Variants in PLEKHA7 observed in about 807,000 individuals in gnomAD.
The protein encoded by PLEKHA7 is pleckstrin homology domain-containing family A member 7.
Under a neutral mutation model 170.0 loss-of-function variants are expected in PLEKHA7, and 104 were observed. The observed-to-expected ratio is 0.61, with a 90% confidence interval of 0.52 to 0.72. The LOEUF is 0.72. Ranked by LOEUF, PLEKHA7 falls within the 30% of genes least tolerant of loss-of-function variation. PLEKHA7 has a pLI of 0.00. For synonymous variants in PLEKHA7, 648 were observed against 660.8 expected (o/e 0.98, Z 0.30); for missense variants, 1,615 against 1,671.7 (o/e 0.97, Z 0.59).
chr11:16,785,922 C>A (rs1263629891), intron 24 of PLEKHA7, among the ~76,000 whole-genome samples: 1 of 152,164 alleles, frequency 6.6e-6, no homozygotes, highest in Non-Finnish European at 1.5e-5. Context: ...TGGCTTTGAT[C>A]GCTAAACCTC....
At chr11:16,908,260 A>T in intron 3 of PLEKHA7, among the ~76,000 whole-genome samples, 1 of 146,966 alleles carries the variant, frequency 6.8e-6, no homozygotes, top group African/African-American at 2.5e-5. Context: ...GATCAATAAA[A>T]AAAAAAAAAA....
chr11:16,858,587 G>A (rs949363818), intron 4 of PLEKHA7, among the ~76,000 whole-genome samples: 5 of 151,540 alleles, frequency 3.3e-5, no homozygotes, highest in Admixed American at 3.3e-4. Flanking sequence ...CCGCCTCCCA[G>A]GTTCAAGCCA....
At chr11:16,907,163 G>T (rs1360952714) in intron 3 of PLEKHA7, among the ~76,000 whole-genome samples, 1 of 100,554 alleles carries the variant, frequency 9.9e-6, no homozygotes, top group African/African-American at 4.6e-5. Context: ...AGGGAGGTGG[G>T]GGGGTTAGCC....
chr11:16,986,583 A>C (rs1205438053), intron 3 of PLEKHA7, among the ~76,000 whole-genome samples: 1 of 152,142 alleles, frequency 6.6e-6, no homozygotes, highest in East Asian at 1.9e-4. Flanking sequence ...AACCATAAAA[A>C]TTGCTCACTA....
At chr11:16,883,336 G>C (rs534998589) in intron 3 of PLEKHA7, among the ~76,000 whole-genome samples, 1 of 152,298 alleles carries the variant, frequency 6.6e-6, no homozygotes, top group African/African-American at 2.4e-5. Flanking sequence ...ACCCTAGCAG[G>C]AATTAGTGAC....
intron 3 of PLEKHA7, among the ~76,000 whole-genome samples, chr11:16,924,401 T>C (rs1245188796): frequency 3.3e-5 from 5 of 152,190 alleles, no homozygotes; most frequent in Non-Finnish European, 1.5e-5. Context: ...TCAGGCACCA[T>C]GGCTGGGACA....
chr11:16,842,683 C>T (rs1318234991), intron 8 of PLEKHA7: 3 of 151,498 alleles, frequency 2.0e-5, no homozygotes, highest in African/African-American at 7.3e-5. Flanking sequence ...AGAGACAACA[C>T]CAGTTTTTCC....
Position 16,794,503 on chromosome 11 carries a change from C to T in PLEKHA7, c.2730G>A (p.Lys910=), listed in dbSNP as rs1848075286. 6.2e-7 allele frequency: 1 copy of T among 1,613,880 alleles called. No homozygotes were observed. The highest frequency in any genetic ancestry group is 8.5e-7 in the Non-Finnish European group (1 of 1,180,014). The change falls in exon 19 of 27, where the codon AAG becomes AAA. Residue 910 remains lysine, a synonymous_variant. Coordinates refer to ENST00000531066, the MANE Select transcript of PLEKHA7 (RefSeq NM_001329630.2). ...CACTACTTACAACTTTGGGCTTCGCCTTAGTTGGTGACTGAAGGGGGGATG... is the reference window on the plus strand; with the variant it reads ...CACTACTTACAACTTTGGGCTTCGCTTTAGTTGGTGACTGAAGGGGGGATG... ...KVTSPLQSPT[K]AKPKVEDEAP... is the part of the protein sequence containing the mutation.
At chr11:17,001,072 C>T (rs1864634629) in intron 3 of PLEKHA7, among the ~76,000 whole-genome samples, 1 of 152,166 alleles carries the variant, frequency 6.6e-6, no homozygotes, top group Non-Finnish European at 1.5e-5. Flanking sequence ...GCATTGGTCT[C>T]TCCTGCCTTG....
At chr11:16,793,017 C>A (rs548054220) in intron 19 of PLEKHA7, among the ~76,000 whole-genome samples, 39 of 152,312 alleles carry the variant, frequency 2.6e-4, no homozygotes, top group Admixed American at 2.5e-3. Flanking sequence ...GAGAGAGGAC[C>A]TCTCCTGGTG....
intron 3 of PLEKHA7, among the ~76,000 whole-genome samples, chr11:17,004,755 T>C (rs942572710): frequency 6.6e-6 from 1 of 152,118 alleles, no homozygotes; most frequent in Non-Finnish European, 1.5e-5. Context: ...ACTAAAAAAA[T>C]GCAATAATTA....
At chr11:16,990,592 C>G (rs1234101560) in intron 3 of PLEKHA7, among the ~76,000 whole-genome samples, 1 of 152,220 alleles carries the variant, frequency 6.6e-6, no homozygotes, top group Non-Finnish European at 1.5e-5. Flanking sequence ...ATCAAATGGG[C>G]ACACCATTAT....
At chr11:16,952,194 G>T (rs1358149336) in intron 3 of PLEKHA7, among the ~76,000 whole-genome samples, 1 of 152,224 alleles carries the variant, frequency 6.6e-6, no homozygotes, top group Non-Finnish European at 1.5e-5. Flanking sequence ...GAGTAGCTGT[G>T]TGAATAAGTC....
At chr11:16,962,722 A>G (rs772746696) in intron 3 of PLEKHA7, among the ~76,000 whole-genome samples, 18 of 152,308 alleles carry the variant, frequency 1.2e-4, no homozygotes, top group Non-Finnish European at 2.6e-4. Flanking sequence ...CAGCCTCTGA[A>G]AGTGCTGGGA....
At chr11:16,848,569 A>G (rs966537872) in intron 8 of PLEKHA7, among the ~76,000 whole-genome samples, 5 of 152,228 alleles carry the variant, frequency 3.3e-5, no homozygotes, top group African/African-American at 1.2e-4. Context: ...CGTACTGCAT[A>G]ATGGATCTGG....
chr11:16,990,287 A>ACC (rs1554992436), intron 3 of PLEKHA7, among the ~76,000 whole-genome samples: 3 of 111,250 alleles, frequency 2.7e-5, no homozygotes, highest in Non-Finnish European at 3.5e-5. Flanking sequence ...AAAAAAAAAA[A>ACC]AAAAAAAAAA....
intron 13 of PLEKHA7, among the ~76,000 whole-genome samples, chr11:16,811,573 G>C (rs1413189514): frequency 6.6e-6 from 1 of 152,140 alleles, no homozygotes; most frequent in Non-Finnish European, 1.5e-5. Context: ...GGATGGGCTG[G>C]GCTGCCACAT....
chr11:16,989,726 G>A (rs986373317), intron 3 of PLEKHA7, among the ~76,000 whole-genome samples: 1 of 152,194 alleles, frequency 6.6e-6, no homozygotes, highest in Non-Finnish European at 1.5e-5. Flanking sequence ...AATAAAGGCT[G>A]ATGAACAAGT....
At chr11:16,956,439 G>A (rs1590714178) in intron 3 of PLEKHA7, among the ~76,000 whole-genome samples, 1 of 152,196 alleles carries the variant, frequency 6.6e-6, no homozygotes, top group Admixed American at 6.5e-5. Context: ...GGTTCCCAGA[G>A]GGGAGAAGTA....
Sources: allele counts gnomAD v4.1 joint callset (sites outside exome capture counted in the v4.1 genomes callset), GRCh38; gene constraint gnomAD v4.1.1; transcripts MANE v1.5; gene names NCBI Gene and HGNC (gene_info 2026-07-23, HGNC 2026-07-21).